Variants in RBMS3 observed in about 807,000 individuals in gnomAD.
The protein encoded by RBMS3 is RNA-binding motif, single-stranded-interacting protein 3.
In RBMS3, 27 loss-of-function variants were observed where a neutral mutation model predicts 66.8. That is an observed-to-expected ratio of 0.40 (90% CI 0.30 to 0.56). RBMS3 has a LOEUF of 0.56. RBMS3 is among the 20% of genes least tolerant of loss of function. The pLI is 0.40. For synonymous variants in RBMS3, 188 were observed against 183.0 expected, an observed-to-expected ratio of 1.03 and a Z score of -0.22; for missense variants, 513 against 549.5, an observed-to-expected ratio of 0.93 and a Z score of 0.66.
At position 29,434,912 on chromosome 3, in the gene RBMS3, A is replaced by T. The variant is rs766835366; in HGVS notation, c.245A>T (p.Gln82Leu). 3 of 1,612,688 alleles carry T rather than the reference A, an allele frequency of 1.9e-6. No homozygotes were observed. In the Admixed American group the frequency reaches 5.0e-5, roughly 27 times the overall value. Residue 82 changes from glutamine (Q) to leucine (L), a missense_variant, in exon 2 of 15, where the codon CAA becomes CTA. Physicochemically the swap from Gln to Leu is moderately radical, Grantham distance 113 (BLOSUM62 -2). Coordinates refer to ENST00000383767, the MANE Select transcript of RBMS3 (RefSeq NM_001003793.3). ...TTDQDLIKLC[Q>L]PYGKIVSTKA... ...GACCAGGACCTAATCAAGCTGTGCC[A>T]ACCGTAAGTGTCCTTCTGCTGCCCG...
intron 4 of RBMS3, among the ~76,000 whole-genome samples, chr3:29,648,638 C>G (rs1019611953): frequency 2.6e-5 from 4 of 151,918 alleles, no homozygotes; most frequent in African/African-American, 9.7e-5. Context: ...TAAAGGAAAG[C>G]AAGGAGATTC....
chr3:29,796,688 G>A (rs2057202079), intron 6 of RBMS3, among the ~76,000 whole-genome samples: 1 of 143,380 alleles, frequency 7.0e-6, no homozygotes, highest in Non-Finnish European at 1.5e-5. Context: ...CATAATCAAT[G>A]AGAAGTAATA....
chr3:29,598,092 G>A lies in RBMS3; in HGVS notation c.399+10887G>A, dbSNP rs74809248. 6.3e-4 allele frequency among the ~76,000 whole-genome samples: 96 copies of A among 152,150 alleles called. 2 individuals are homozygous for A. In the East Asian group the frequency reaches 0.01, roughly 16 times the overall value. On this transcript the variant is annotated intron_variant, in intron 4 of 14. Coordinates refer to ENST00000383767, the MANE Select transcript of RBMS3 (RefSeq NM_001003793.3). ...GAAGAATGACATATTACTTGTGGAC[G>A]AACACTTACCAGTGTATTGTTAGAT...
chr3:29,944,874 G>A (rs755642036), intron 12 of RBMS3, among the ~76,000 whole-genome samples: 1 of 151,694 alleles, frequency 6.6e-6, no homozygotes, highest in African/African-American at 2.4e-5. Context: ...ATATGTTAGT[G>A]TCTTGAGGGT....
chr3:29,647,209 C>T (rs1369107466), intron 4 of RBMS3, among the ~76,000 whole-genome samples: 2 of 152,144 alleles, frequency 1.3e-5, no homozygotes, highest in Admixed American at 6.5e-5. Context: ...GAACTCCTGA[C>T]CTCAGGTGAT....
chr3:29,804,588 T>G (rs1158441867), intron 6 of RBMS3, among the ~76,000 whole-genome samples: 1 of 152,052 alleles, frequency 6.6e-6, no homozygotes, highest in African/African-American at 2.4e-5. Flanking sequence ...TCTGATTTTA[T>G]GACACAAAGC....
intron 1 of RBMS3, among the ~76,000 whole-genome samples, chr3:29,388,527 A>T (rs911256808): frequency 6.6e-6 from 1 of 152,182 alleles, no homozygotes; most frequent in Non-Finnish European, 1.5e-5. Context: ...ATAATTTGGC[A>T]TTGAGGAAAC....
chr3:29,850,739 C>A (rs961083449), intron 6 of RBMS3, among the ~76,000 whole-genome samples: 3 of 152,106 alleles, frequency 2.0e-5, no homozygotes, highest in African/African-American at 7.2e-5. Flanking sequence ...AATGGAAGTA[C>A]CTCTGTTTGA....
chr3:29,431,014 G>C (rs2041165599), intron 1 of RBMS3, among the ~76,000 whole-genome samples: 1 of 152,154 alleles, frequency 6.6e-6, no homozygotes, highest in African/African-American at 2.4e-5. Flanking sequence ...TTGTAAAAGA[G>C]GTAGAGCTTA....
chr3:29,958,500 T>C (rs1161880896), intron 12 of RBMS3, among the ~76,000 whole-genome samples: 2 of 152,184 alleles, frequency 1.3e-5, no homozygotes, highest in African/African-American at 4.8e-5. Flanking sequence ...TTAATCCCTT[T>C]AGGAAAGTAT....
chr3:29,964,294 A>G (rs1021237403), intron 12 of RBMS3, among the ~76,000 whole-genome samples: 1 of 150,644 alleles, frequency 6.6e-6, no homozygotes, highest in Non-Finnish European at 1.5e-5. Context: ...AATTAACAGA[A>G]GAATTAAATG....
intron 10 of RBMS3, among the ~76,000 whole-genome samples, chr3:29,905,500 A>ATATT: frequency 6.6e-6 from 1 of 152,138 alleles, no homozygotes; most frequent in Admixed American, 6.6e-5. Flanking sequence ...GAAACCCTCT[A>ATATT]TATTTCGTCC....
intron 12 of RBMS3, among the ~76,000 whole-genome samples, chr3:29,948,011 A>G (rs1388535314): frequency 6.6e-6 from 1 of 151,548 alleles, no homozygotes; most frequent in African/African-American, 2.4e-5. Context: ...CCTGAAAAAT[A>G]CACTGAAAAG....
intron 11 of RBMS3, among the ~76,000 whole-genome samples, chr3:29,938,500 A>G (rs1428121231): frequency 1.3e-5 from 2 of 151,964 alleles, no homozygotes; most frequent in Non-Finnish European, 2.9e-5. Flanking sequence ...AGAGGTAGAG[A>G]GAAAACAGAA....
At chr3:29,485,572 T>C (rs1192471422) in intron 2 of RBMS3, among the ~76,000 whole-genome samples, 1 of 152,112 alleles carries the variant, frequency 6.6e-6, no homozygotes, top group Non-Finnish European at 1.5e-5. Flanking sequence ...AGTTCCTACT[T>C]TGGCTAGAGA....
chr3:29,995,010 A>T (rs548713275), intron 14 of RBMS3, among the ~76,000 whole-genome samples: 1 of 152,376 alleles, frequency 6.6e-6, no homozygotes, highest in Non-Finnish European at 1.5e-5. Context: ...AAGGCAAAGA[A>T]GTCAAAAACT....
intron 1 of RBMS3, among the ~76,000 whole-genome samples, chr3:29,325,293 A>C (rs542788393): frequency 6.6e-6 from 1 of 152,294 alleles, no homozygotes; most frequent in East Asian, 1.9e-4. Context: ...GTAAACACCA[A>C]AAAATTTGTG....
chr3:29,874,131 C>G (rs2059555804), intron 7 of RBMS3, among the ~76,000 whole-genome samples: 1 of 152,100 alleles, frequency 6.6e-6, no homozygotes, highest in Non-Finnish European at 1.5e-5. Context: ...AGTCACCAGT[C>G]AGCATACTTA....
At chr3:29,982,136 C>A (rs982234780) in intron 12 of RBMS3, among the ~76,000 whole-genome samples, 2 of 152,194 alleles carry the variant, frequency 1.3e-5, no homozygotes, top group Non-Finnish European at 2.9e-5. Context: ...TCGACTTCTT[C>A]CTGGTTTAGT....
Sources: gnomAD v4.1 joint callset for allele counts (sites outside exome capture counted in the v4.1 genomes callset) on GRCh38, gnomAD v4.1.1 for gene constraint, MANE v1.5 for transcripts, NCBI Gene and HGNC (gene_info 2026-07-23, HGNC 2026-07-21) for gene names.